The following GRAMD1C variants were observed in gnomAD, a reference collection of about 807,000 sequenced individuals.
GRAMD1C encodes the protein protein Aster-C.
Under a neutral mutation model 97.8 loss-of-function variants are expected in GRAMD1C, and 89 were observed. The observed-to-expected ratio is 0.91, with a 90% CI of 0.77 to 1.09. The LOEUF (loss-of-function observed/expected upper bound fraction) is 1.09. GRAMD1C is among the 50% of genes least tolerant of loss of function. GRAMD1C has a pLI of 0.00. For missense variants in GRAMD1C, 740 were observed against 766.4 expected (o/e 0.97, Z 0.41); for synonymous variants, 256 against 267.0 (o/e 0.96, Z 0.40).
At chr3:113,905,691 C>T (rs1463133367) in intron 8 of GRAMD1C, among the ~76,000 whole-genome samples, 2 of 151,244 alleles carry the variant, frequency 1.3e-5, no homozygotes, top group African/African-American at 4.9e-5. Context: ...TGGTGGTGGT[C>T]TCATAACTTT....
chr3:113,920,628 G>A (rs13323873), intron 10 of GRAMD1C, among the ~76,000 whole-genome samples: 65,918 of 151,836 alleles, frequency 0.43, 14,314 homozygotes, highest in Non-Finnish European at 0.45. Context: ...TGCAACCTCC[G>A]CCTCCTGGGT....
chr3:113,847,158 T>C (rs906192181), intron 2 of GRAMD1C, among the ~76,000 whole-genome samples: 1 of 152,208 alleles, frequency 6.6e-6, no homozygotes, highest in Admixed American at 6.5e-5. Flanking sequence ...CAAGAAATGA[T>C]AGCAGAAACT....
In GRAMD1C at chr3:113,845,935, G is replaced by A. The variant is rs940709996; in HGVS notation, c.174+1286G>A. Among the ~76,000 whole-genome samples, 7 of 152,038 alleles carry A rather than the reference G, an allele frequency of 4.6e-5. No individual in the cohort carries two copies. In the East Asian group the frequency reaches 5.8e-4, roughly 13 times the overall value. On this transcript the variant is annotated intron_variant, in intron 2 of 17. Transcript: ENST00000358160. ...AACGTTTGATTTCCTATTAAGAAAC[G>A]TGACATTATAAGTTTTTTTGAAATA...
intron 6 of GRAMD1C, among the ~76,000 whole-genome samples, chr3:113,883,688 CAGACAAAATAGACTTTA>C (rs1275386836): frequency 1.3e-5 from 2 of 152,046 alleles, no homozygotes; most frequent in Non-Finnish European, 2.9e-5. Context: ...GTAGTAATAT[CAGACAAAATAGACTTTA>C]AGACAAAAAT....
rs370403167 is a variant in GRAMD1C, at chr3:113,915,905, A to G, written c.1090+67A>G. ...TGCTATTATTCTTAGAATATTGAGC[A>G]TATATAAACTGATTTATGTTGTGAG... On this transcript the variant is annotated intron_variant, in intron 10 of 17. Coordinates refer to ENST00000358160, the MANE Select transcript of GRAMD1C (RefSeq NM_017577.5). The G allele has an allele frequency of 5.5e-5, 66 of 1,205,928 alleles. 1 individual carries two copies. The highest frequency in any genetic ancestry group is 3.6e-4 in the African/African-American group (24 of 66,348). 74.7% of individuals were successfully genotyped at this position (1,205,928 alleles called of 1,614,324 possible).
At position 113,933,568 on chromosome 3, in the gene GRAMD1C, A is replaced by G. The variant is rs1482326569; in HGVS notation, c.1267A>G (p.Thr423Ala). The change falls in exon 12 of 18, where the codon ACA becomes GCA. Residue 423 changes from threonine to alanine, a missense_variant. Physicochemically the swap from Thr to Ala is moderately conservative, Grantham distance 58. Coordinates refer to ENST00000358160, the MANE Select transcript of GRAMD1C (RefSeq NM_017577.5). ...RFYLVDSEVL[T>A]HDVPYHDYFY... The stretch of plus-strand genomic sequence containing the variant: ...TTATTTGGTAGATTCAGAAGTACTG[A>G]CACATGATGTCCCCTACCATGATTA... The G allele has an allele frequency of 6.2e-7, 1 of 1,603,226 alleles. No homozygotes were observed. The highest frequency in any genetic ancestry group is 1.3e-5 in the African/African-American group (1 of 74,686).
chr3:113,920,331 T>C (rs1264899564), intron 10 of GRAMD1C: 2 of 374,882 alleles, frequency 5.3e-6, no homozygotes, highest in East Asian at 9.7e-5. Flanking sequence ...TCTTCCTTTA[T>C]CTTACAGTGC....
chr3:113,876,933 G>A (rs1161715085), intron 5 of GRAMD1C, among the ~76,000 whole-genome samples: 2 of 151,890 alleles, frequency 1.3e-5, no homozygotes, highest in Non-Finnish European at 2.9e-5. Context: ...GGAGGGGAGA[G>A]AGAATTAGTA....
intron 6 of GRAMD1C, among the ~76,000 whole-genome samples, chr3:113,883,144 C>G (rs1366373757): frequency 6.6e-6 from 1 of 151,950 alleles, no homozygotes; most frequent in Non-Finnish European, 1.5e-5. Flanking sequence ...TGACACAGGA[C>G]ATATAGAAAA....
chr3:113,868,360 T>C (rs1293245345), intron 2 of GRAMD1C, among the ~76,000 whole-genome samples: 1 of 152,218 alleles, frequency 6.6e-6, no homozygotes, highest in Admixed American at 6.5e-5. Context: ...TTTCTTTGCA[T>C]GTCTTATAAT....
chr3:113,850,423 A>C, intron 2 of GRAMD1C: 1 of 1,134,164 alleles, frequency 8.8e-7, no homozygotes, highest in Non-Finnish European at 1.3e-6. Context: ...CTTTAGGCCA[A>C]GGCCTGCCAG....
rs75216998 is a variant in GRAMD1C, at chr3:113,929,730, A to G, written c.1091-984A>G. ...TTTGCCTTTTTAATTTAGTTATAAG[A>G]CTTTGCCAGATACTCAGAAGGCAAT... On this transcript the variant is annotated intron_variant, in intron 10 of 17. Coordinates refer to ENST00000358160, the MANE Select transcript of GRAMD1C (RefSeq NM_017577.5). Among the ~76,000 whole-genome samples, 9 of 152,312 alleles carry G rather than the reference A, an allele frequency of 5.9e-5. No individual in the cohort carries two copies. The East Asian group carries it at 1.7e-3, about 29-fold the overall frequency.
chr3:113,887,116 T>G (rs1935534973), intron 6 of GRAMD1C, among the ~76,000 whole-genome samples: 2 of 115,596 alleles, frequency 1.7e-5, no homozygotes, highest in Admixed American at 2.1e-4. Context: ...TTTTTTGAGA[T>G]AGAGTCTCAC....
intron 2 of GRAMD1C, among the ~76,000 whole-genome samples, chr3:113,860,125 G>A (rs755866949): frequency 3.3e-5 from 5 of 152,070 alleles, no homozygotes; most frequent in Admixed American, 6.6e-5. Flanking sequence ...GGGTTCAAGC[G>A]ATTCTCCTGC....
chr3:113,867,913 A>G (rs1421398157), intron 2 of GRAMD1C, among the ~76,000 whole-genome samples: 1 of 152,050 alleles, frequency 6.6e-6, no homozygotes, highest in Non-Finnish European at 1.5e-5. Flanking sequence ...CTCCCATCAC[A>G]TGTATTTTGG....
intron 6 of GRAMD1C, among the ~76,000 whole-genome samples, chr3:113,896,332 C>T (rs1201384697): frequency 6.6e-6 from 1 of 152,174 alleles, no homozygotes; most frequent in Non-Finnish European, 1.5e-5. Context: ...CTTCTCTTAC[C>T]TTTCTGGTAT....
intron 9 of GRAMD1C, among the ~76,000 whole-genome samples, chr3:113,910,163 C>T (rs1936514146): frequency 6.6e-6 from 1 of 152,174 alleles, no homozygotes; most frequent in African/African-American, 2.4e-5. Context: ...GCGGGTGGAT[C>T]ACACGGTCAG....
chr3:113,842,784 G>A (rs1298074633), intron 1 of GRAMD1C, among the ~76,000 whole-genome samples: 6 of 152,028 alleles, frequency 3.9e-5, no homozygotes, highest in African/African-American at 1.4e-4. Context: ...CCAACATGGT[G>A]AAACTCCATC....
chr3:113,894,485 G>A (rs1935856850), intron 6 of GRAMD1C, among the ~76,000 whole-genome samples: 1 of 152,080 alleles, frequency 6.6e-6, no homozygotes, highest in South Asian at 2.1e-4. Context: ...CACCATGTTG[G>A]CCAGGCTGGT....
Sources: gnomAD v4.1 joint callset for allele counts (sites outside exome capture counted in the v4.1 genomes callset) on GRCh38, gnomAD v4.1.1 for gene constraint, MANE v1.5 for transcripts, NCBI Gene and HGNC (gene_info 2026-07-23, HGNC 2026-07-21) for gene names.